Variants in BCAS3 observed in about 807,000 individuals in gnomAD.
The protein encoded by BCAS3 is BCAS3 microtubule associated cell migration factor.
In BCAS3, 53 loss-of-function variants were observed where a neutral mutation model predicts 116.1. The observed-to-expected ratio is 0.46, with a 90% CI of 0.37 to 0.57. The LOEUF is 0.57. Ranked by LOEUF, BCAS3 falls within the 20% of genes least tolerant of loss-of-function variation. BCAS3 has a pLI of 0.00. For synonymous variants in BCAS3, 391 were observed against 408.2 expected (o/e 0.96, Z 0.51); for missense variants, 917 against 1,165.4 (o/e 0.79, Z 3.10).
intron 11 of BCAS3, among the ~76,000 whole-genome samples, chr17:60,905,143 G>C (rs2058121815): frequency 6.6e-6 from 1 of 151,976 alleles, no homozygotes; most frequent in Admixed American, 6.6e-5. Context: ...AGTCCATTTG[G>C]AATAAGAATA....
At chr17:60,839,052 A>G (rs1045030623) in intron 7 of BCAS3, among the ~76,000 whole-genome samples, 1 of 152,220 alleles carries the variant, frequency 6.6e-6, no homozygotes, top group South Asian at 2.1e-4. Flanking sequence ...ATAAGTAGAT[A>G]ATGTATGTAT....
At chr17:60,723,711 CTTTTTTTT>C (rs549083159) in intron 5 of BCAS3, among the ~76,000 whole-genome samples, 1 of 88,872 alleles carries the variant, frequency 1.1e-5, no homozygotes, top group African/African-American at 3.9e-5. Flanking sequence ...CACTTTCTTT[CTTTTTTTT>C]TTTTTTTTTT....
chr17:61,057,787 G>A (rs1394221112), intron 19 of BCAS3, among the ~76,000 whole-genome samples: 1 of 151,846 alleles, frequency 6.6e-6, no homozygotes, highest in Non-Finnish European at 1.5e-5. Context: ...TATGGAAAAT[G>A]TATGTTTCAT....
In BCAS3 at chr17:61,346,084, G is replaced by C. The variant is rs2057487878; in HGVS notation, c.2426-22243G>C. On this transcript the variant is annotated intron_variant, in intron 22 of 23. Transcript: ENST00000407086. The surrounding 1 kb of genome is among the most constrained non-coding windows in gnomAD (Gnocchi z 5.4). ...ATCATACTTTTAGTGCTTGGCAGGA[G>C]TGGTTGAGAAGGTAACAGCGGGGTA... Among the ~76,000 whole-genome samples, 1 of 152,138 alleles carries C rather than the reference G, an allele frequency of 6.6e-6. No individual in the cohort carries two copies. Among genetic ancestry groups the C allele is most frequent in the African/African-American group, 2.4e-5 (1 of 41,430 alleles).
At chr17:60,732,112 GT>G (rs2040517113) in intron 5 of BCAS3, among the ~76,000 whole-genome samples, 1 of 152,060 alleles carries the variant, frequency 6.6e-6, no homozygotes, top group African/African-American at 2.4e-5. Flanking sequence ...TTGCATTAGT[GT>G]AGTACATTTA....
At chr17:60,762,965 T>C (rs553895111) in intron 6 of BCAS3, among the ~76,000 whole-genome samples, 1 of 152,328 alleles carries the variant, frequency 6.6e-6, no homozygotes, top group South Asian at 2.1e-4. Flanking sequence ...GTAGCAGTTG[T>C]GAATGGGAGT....
chr17:61,070,860 T>G (rs901996531), intron 19 of BCAS3, among the ~76,000 whole-genome samples: 5 of 152,184 alleles, frequency 3.3e-5, no homozygotes, highest in African/African-American at 1.2e-4. Flanking sequence ...GTATGAAAGT[T>G]GTGTGACGCT....
intron 6 of BCAS3, among the ~76,000 whole-genome samples, chr17:60,760,765 G>C (rs2043450309): frequency 6.6e-6 from 1 of 151,916 alleles, no homozygotes; most frequent in Non-Finnish European, 1.5e-5. Context: ...TGCTAGACTT[G>C]GGAAGTTTTC....
intron 22 of BCAS3, among the ~76,000 whole-genome samples, chr17:61,351,678 A>G (rs754471709): frequency 3.9e-5 from 6 of 152,198 alleles, no homozygotes; most frequent in Non-Finnish European, 7.4e-5. Context: ...ACAGAGCTCA[A>G]TGGCCTTATA....
rs1419588352 is a variant in BCAS3 at position 61,307,605 on chromosome 17, G to A, written c.2426-60722G>A. Among the ~76,000 whole-genome samples, 3 of 152,092 alleles carry A rather than the reference G, an allele frequency of 2.0e-5. No individual in the cohort carries two copies. Among genetic ancestry groups the A allele is most frequent in the South Asian group, 2.1e-4 (1 of 4,828 alleles). On this transcript the variant is annotated intron_variant, in intron 22 of 23. Transcript: ENST00000407086. This position sits in a 1 kb window ranked among gnomAD's most constrained non-coding sequence, Gnocchi z 4.7. Reference sequence around the variant, plus strand: ...TGAGATTTTACCAAAATAAATTAGCGTTCATAAATAAAAGGAGCTATATAA... The same window carrying A: ...TGAGATTTTACCAAAATAAATTAGCATTCATAAATAAAAGGAGCTATATAA...
At chr17:60,783,999 A>T (rs563461338) in intron 6 of BCAS3, among the ~76,000 whole-genome samples, 9 of 152,304 alleles carry the variant, frequency 5.9e-5, no homozygotes, top group Admixed American at 5.9e-4. Context: ...CCAAACATAG[A>T]AATGAAGTAT....
Position 61,258,035 on chromosome 17 carries a change from T to A in BCAS3, c.2426-110292T>A, listed in dbSNP as rs370868582. ...CCCACCTTATTATTTTTGTGCACAC[T>A]GTTCCTTCCTCTGAAGAGCCCTGCT... On this transcript the variant is annotated intron_variant, in intron 22 of 23. Coordinates refer to ENST00000407086, the MANE Select transcript of BCAS3 (RefSeq NM_017679.5). This position sits in a 1 kb window ranked among gnomAD's most constrained non-coding sequence, Gnocchi z 4.7. Among the ~76,000 whole-genome samples the A allele has an allele frequency of 1.2e-4, 19 of 152,230 alleles. No homozygotes were observed. The highest frequency in any genetic ancestry group is 2.5e-4 in the Non-Finnish European group (17 of 68,044).
intron 22 of BCAS3, among the ~76,000 whole-genome samples, chr17:61,341,279 C>A (rs1299414107): frequency 6.6e-6 from 1 of 152,170 alleles, no homozygotes; most frequent in Non-Finnish European, 1.5e-5. Flanking sequence ...AAAAGAACAT[C>A]AGCTCCCACC....
chr17:61,171,798 A>T lies in BCAS3; in HGVS notation c.2425+87234A>T, dbSNP rs548629829. ...ACCATGCCCTGCTAATTAAAAAAAA[A>T]TTTTTTTTTTTTTTTGTAGAAATGG... On this transcript the variant is annotated intron_variant, in intron 22 of 23. Transcript: ENST00000407086. This position sits in a 1 kb window ranked among gnomAD's most constrained non-coding sequence, Gnocchi z 4.1. Among the ~76,000 whole-genome samples the T allele has an allele frequency of 7.1e-3, 1,013 of 142,544 alleles. 6 individuals are homozygous for T. The highest frequency in any genetic ancestry group is 0.025 in the Middle Eastern group (7 of 280). 93.5% of individuals were successfully genotyped at this position (142,544 alleles called of 152,430 possible).
In BCAS3 at chr17:61,162,978, G is replaced by A. The variant is rs1355625170; in HGVS notation, c.2425+78414G>A. Among the ~76,000 whole-genome samples the A allele has an allele frequency of 6.6e-6, 1 of 152,066 alleles. No individual in the cohort carries two copies. The highest frequency in any genetic ancestry group is 1.5e-5 in the Non-Finnish European group (1 of 68,022). On this transcript the variant is annotated intron_variant, in intron 22 of 23. Transcript: ENST00000407086. This position sits in a 1 kb window ranked among gnomAD's most constrained non-coding sequence, Gnocchi z 5.6. ...TAGTCTTACTTTGGGAAAAGATCAA[G>A]GCAACATTCTATTCACATTCGTTCA...
intron 22 of BCAS3, among the ~76,000 whole-genome samples, chr17:61,329,236 T>C (rs2056009635): frequency 6.6e-6 from 1 of 151,910 alleles, no homozygotes; most frequent in Non-Finnish European, 1.5e-5. Context: ...ACTCCACCCT[T>C]GTGACCAAAT....
intron 22 of BCAS3, among the ~76,000 whole-genome samples, chr17:61,168,100 A>G (rs933037841): frequency 6.6e-6 from 1 of 152,206 alleles, no homozygotes; most frequent in African/African-American, 2.4e-5. Flanking sequence ...ATGCCCACTG[A>G]CAAAATTAAG....
intron 22 of BCAS3, among the ~76,000 whole-genome samples, chr17:61,100,605 G>T (rs1030366180): frequency 3.9e-5 from 6 of 152,086 alleles, no homozygotes; most frequent in Non-Finnish European, 8.8e-5. Context: ...GCTCATCTTT[G>T]TACTCCCCGT....
intron 22 of BCAS3, among the ~76,000 whole-genome samples, chr17:61,178,329 C>G (rs1056749223): frequency 2.0e-5 from 3 of 152,086 alleles, no homozygotes; most frequent in African/African-American, 2.4e-5. Flanking sequence ...AAGCAGAAGG[C>G]TTAGTTGCAG....
Sources: allele counts gnomAD v4.1 joint callset (sites outside exome capture counted in the v4.1 genomes callset), GRCh38; gene constraint gnomAD v4.1.1; non-coding constraint Gnocchi (gnomAD v3.1); transcripts MANE v1.5; gene names NCBI Gene and HGNC (gene_info 2026-07-23, HGNC 2026-07-21).